The following SLC25A24 variants were observed in gnomAD, a reference collection of about 807,000 sequenced individuals.
SLC25A24 encodes the protein solute carrier family 25 member 24, also known as mitochondrial adenyl nucleotide antiporter SLC25A24.
Under a neutral mutation model 60.7 loss-of-function variants are expected in SLC25A24, and 49 were observed. The ratio of observed to expected loss-of-function variants is 0.81; its 90% CI spans 0.64 to 1.02. The LOEUF is 1.02. Ranked by LOEUF, SLC25A24 falls within the 50% of genes least tolerant of loss-of-function variation. The probability of loss-of-function intolerance (pLI) is 0.00; values close to 1 mark genes in which losing one functional copy is unlikely to be tolerated. For synonymous variants in SLC25A24, 202 were observed against 200.6 expected (o/e 1.01, Z -0.06); for missense variants, 564 against 586.3 (o/e 0.96, Z 0.39).
chr1:108,199,229 C>T (rs930712042), intron 1 of SLC25A24: 1 of 152,186 alleles, frequency 6.6e-6, no homozygotes, highest in African/African-American at 2.4e-5. Context: ...ATCACTTTCC[C>T]TCTTTGGATA....
At chr1:108,197,853 G>A (rs979962619) in intron 1 of SLC25A24, among the ~76,000 whole-genome samples, 3 of 152,212 alleles carry the variant, frequency 2.0e-5, no homozygotes. Context: ...ATGTGGCCGT[G>A]TTGGGAGGAG....
chr1:108,154,203 G>C (rs1679827138), intron 6 of SLC25A24, among the ~76,000 whole-genome samples: 1 of 137,948 alleles, frequency 7.2e-6, no homozygotes, highest in South Asian at 2.3e-4. Context: ...AATCTACATG[G>C]AATAATACAA....
At chr1:108,184,459 T>C (rs1027653420) in intron 2 of SLC25A24, among the ~76,000 whole-genome samples, 7 of 152,214 alleles carry the variant, frequency 4.6e-5, no homozygotes, top group Admixed American at 2.6e-4. Flanking sequence ...GTTCCAATAG[T>C]ACTACTTTCC....
At chr1:108,182,149 T>C (rs1249690183) in intron 2 of SLC25A24, 121 bp from the exon 3 acceptor site, 15 of 627,042 alleles carry the variant, frequency 2.4e-5, no homozygotes, top group Non-Finnish European at 4.0e-5. Flanking sequence ...AAATTGTGCA[T>C]GTAGGTGAGT....
intron 3 of SLC25A24, among the ~76,000 whole-genome samples, chr1:108,175,699 AT>A (rs1261048767): frequency 2.0e-5 from 3 of 152,174 alleles, no homozygotes. Flanking sequence ...CAAAAAAAAA[AT>A]AAAAATCAAA....
chr1:108,166,657 GCACTT>G (rs1327971367), intron 3 of SLC25A24, among the ~76,000 whole-genome samples: 1 of 151,810 alleles, frequency 6.6e-6, no homozygotes, highest in Non-Finnish European at 1.5e-5. Flanking sequence ...GCTCCTTTAA[GCACTT>G]CTCTGTATTG....
chr1:108,199,513 A>C, intron 1 of SLC25A24: 1 of 226,074 alleles, frequency 4.4e-6, no homozygotes, highest in East Asian at 9.5e-5. Flanking sequence ...AACAGTAGAC[A>C]ATACACATAG....
At chr1:108,150,485 C>T (rs981753694) in intron 6 of SLC25A24, among the ~76,000 whole-genome samples, 2 of 152,178 alleles carry the variant, frequency 1.3e-5, no homozygotes. Flanking sequence ...CAGTTCTCTC[C>T]CATTTGTTAG....
At chr1:108,193,041 A>G (rs1648395248) in intron 1 of SLC25A24, among the ~76,000 whole-genome samples, 1 of 139,592 alleles carries the variant, frequency 7.2e-6, no homozygotes, top group Non-Finnish European at 1.6e-5. Flanking sequence ...TTTTGGAGAG[A>G]AGTAGGTTGG....
intron 5 of SLC25A24, among the ~76,000 whole-genome samples, chr1:108,155,548 T>C (rs1441205905): frequency 6.6e-6 from 1 of 151,828 alleles, no homozygotes; most frequent in Non-Finnish European, 1.5e-5. Context: ...ATTTAATGTA[T>C]GTATATTATT....
At chr1:108,151,806 A>C (rs938722835) in intron 6 of SLC25A24, among the ~76,000 whole-genome samples, 1 of 152,238 alleles carries the variant, frequency 6.6e-6, no homozygotes, top group African/African-American at 2.4e-5. Flanking sequence ...CTCAGCATGC[A>C]CAAAATGGAA....
At chr1:108,154,880 C>T in intron 6 of SLC25A24, 103 bp downstream of exon 6, 1 of 812,284 alleles carries the variant, frequency 1.2e-6, no homozygotes. Flanking sequence ...GAAAGATTAT[C>T]ATGTATTAAA....
chr1:108,178,812 C>CA (rs377621332), intron 3 of SLC25A24, among the ~76,000 whole-genome samples: 107 of 135,248 alleles, frequency 7.9e-4, no homozygotes, highest in South Asian at 1.7e-3. Flanking sequence ...GACTCCGTCT[C>CA]AAAAAAAAAA....
In SLC25A24 at chr1:108,143,461, A is replaced by G. The variant is rs1679502070; in HGVS notation, c.1098+82T>C. 2.6e-6 allele frequency: 3 copies of G among 1,161,760 alleles called. No homozygotes were observed. In the Admixed American group the frequency reaches 7.1e-5, roughly 27 times the overall value. The allele number at this position is 1,161,760 out of a possible 1,614,324, so 72.0% of individuals were successfully genotyped here. Reference sequence around the variant, plus strand: ...TTCTGGTCACACACTGTTTTCTGGTATATATCTACTTCTTCATATAAAGTC... The same window carrying G: ...TTCTGGTCACACACTGTTTTCTGGTGTATATCTACTTCTTCATATAAAGTC... On this transcript the variant is annotated intron_variant, in intron 8 of 9. Coordinates refer to ENST00000565488, the MANE Select transcript of SLC25A24 (RefSeq NM_013386.5).
chr1:108,155,272 A>G lies in SLC25A24; in HGVS notation c.670-137T>C, dbSNP rs1356166743. ...TTGAAAATAAAATATAGAAAGGTTGAAAAATATATATAATGATGAGAGGGA... is the reference window on the plus strand; with the variant it reads ...TTGAAAATAAAATATAGAAAGGTTGGAAAATATATATAATGATGAGAGGGA... On this transcript the variant is annotated intron_variant, in intron 5 of 9. Transcript: ENST00000565488. 27 of 769,908 alleles carry G rather than the reference A, an allele frequency of 3.5e-5. No individual in the cohort carries two copies. The South Asian group carries it at 5.2e-4, about 15-fold the overall frequency. 47.7% of individuals were successfully genotyped at this position (769,908 alleles called of 1,614,324 possible).
rs762913368 is a variant in SLC25A24, at chr1:108,193,454, T to C, written c.183+6502A>G. Among the ~76,000 whole-genome samples the C allele has an allele frequency of 1.2e-3, 167 of 139,630 alleles. 32 individuals are homozygous for C. The highest frequency in any genetic ancestry group is 8.9e-4 in the Admixed American group (11 of 12,360). The allele number at this position is 139,630 out of a possible 152,430, so 91.6% of individuals were successfully genotyped here. A position where few individuals can be genotyped will look rare whatever the true frequency, so the allele number is the denominator to read the frequency against. On this transcript the variant is annotated intron_variant, in intron 1 of 9. Transcript: ENST00000565488. The stretch of plus-strand genomic sequence containing the variant: ...AGTATTTGTTTTTCTGTTTCTACAA[T>C]AATTCGTTTAAGTTATTGGCTTCCA...
chr1:108,177,155 G>A (rs72975372), intron 3 of SLC25A24, among the ~76,000 whole-genome samples: 1 of 151,198 alleles, frequency 6.6e-6, no homozygotes, highest in South Asian at 2.1e-4. Context: ...GTTTTGGGGG[G>A]TTTTTGCAAT....
intron 6 of SLC25A24, among the ~76,000 whole-genome samples, chr1:108,150,201 G>C (rs569470778): frequency 6.6e-6 from 1 of 152,292 alleles, no homozygotes; most frequent in South Asian, 2.1e-4. Flanking sequence ...TAAACGTTTA[G>C]TGACTGATGG....
Position 108,138,973 on chromosome 1 carries a change from C to G in SLC25A24, c.1249+85G>C. The G allele has an allele frequency of 3.8e-6, 5 of 1,314,276 alleles. No individual in the cohort carries two copies. The South Asian group carries it at 9.3e-5, about 24-fold the overall frequency. 81.4% of individuals were successfully genotyped at this position (1,314,276 alleles called of 1,614,324 possible). A position where few individuals can be genotyped will look rare whatever the true frequency, so the allele number is the denominator to read the frequency against. ...AGAAATACTGTCTTAAAACTACAGT[C>G]TGCATCTTAGTAGAACTTGGAGTTC... On this transcript the variant is annotated intron_variant, in intron 9 of 9. Coordinates refer to ENST00000565488, the MANE Select transcript of SLC25A24 (RefSeq NM_013386.5).
Sources: allele counts gnomAD v4.1 joint callset (sites outside exome capture counted in the v4.1 genomes callset), GRCh38; gene constraint gnomAD v4.1.1; transcripts MANE v1.5; gene names NCBI Gene and HGNC (gene_info 2026-07-23, HGNC 2026-07-21).